PAM: variants seen among roughly 807,000 people sequenced by gnomAD.
PAM encodes peptidylglycine alpha-amidating monooxygenase, also known as peptidyl-glycine alpha-amidating monooxygenase.
A neutral mutation model predicts 122.1 loss-of-function variants in PAM; 72 were observed. The observed-to-expected ratio is 0.59, with a 90% CI of 0.49 to 0.72. The LOEUF is 0.72. PAM is among the 30% of genes least tolerant of loss of function. PAM has a pLI of 0.00. For synonymous variants in PAM, 389 were observed against 404.4 expected, an observed-to-expected ratio of 0.96 and a Z score of 0.46; for missense variants, 1,106 against 1,183.7, an observed-to-expected ratio of 0.93 and a Z score of 0.96.
chr5:102,898,462 G>C (rs1796780696), intron 3 of PAM, among the ~76,000 whole-genome samples: 1 of 151,620 alleles, frequency 6.6e-6, no homozygotes. Flanking sequence ...TTCATAGGAA[G>C]ACTATTATAA....
intron 1 of PAM, among the ~76,000 whole-genome samples, chr5:102,779,375 T>A (rs1417810301): frequency 6.6e-6 from 1 of 152,080 alleles, no homozygotes; most frequent in East Asian, 1.9e-4. Context: ...TAAGACCTAA[T>A]GAAGTGTTCA....
At chr5:102,860,327 TA>T (rs1783824513) in intron 1 of PAM, among the ~76,000 whole-genome samples, 2 of 152,044 alleles carry the variant, frequency 1.3e-5, no homozygotes, top group Admixed American at 1.3e-4. Flanking sequence ...GCAAGTGAGA[TA>T]AAGTACACAA....
chr5:103,010,695 T>C (rs1309002037), intron 21 of PAM, among the ~76,000 whole-genome samples: 1 of 152,226 alleles, frequency 6.6e-6, no homozygotes, highest in Non-Finnish European at 1.5e-5. Flanking sequence ...ACACTTATAA[T>C]GTTATGTTAT....
At chr5:102,863,436 G>A (rs1216703852) in intron 1 of PAM, among the ~76,000 whole-genome samples, 2 of 151,940 alleles carry the variant, frequency 1.3e-5, no homozygotes, top group Non-Finnish European at 2.9e-5. Context: ...CCCTCCTTTT[G>A]AGGATTCTTT....
intron 1 of PAM, among the ~76,000 whole-genome samples, chr5:102,816,507 G>T (rs908031266): frequency 6.6e-6 from 1 of 152,024 alleles, no homozygotes; most frequent in African/African-American, 2.4e-5. Flanking sequence ...ACCCACTTTT[G>T]AGAACCCTCC....
At chr5:102,838,946 C>G (rs1267930580) in intron 1 of PAM, among the ~76,000 whole-genome samples, 1 of 152,142 alleles carries the variant, frequency 6.6e-6, no homozygotes, top group Non-Finnish European at 1.5e-5. Flanking sequence ...TTCCAATTCC[C>G]TGAATCTTGG....
chr5:102,854,876 C>CA (rs1181511353), intron 1 of PAM, among the ~76,000 whole-genome samples: 3 of 152,132 alleles, frequency 2.0e-5, no homozygotes, highest in Non-Finnish European at 4.4e-5. Context: ...ATTGATAGTT[C>CA]ATGGGGAATT....
At chr5:102,755,005 A>G (rs1419790109), upstream of PAM, 2 of 152,336 alleles carry the variant, frequency 1.3e-5, no homozygotes, top group Non-Finnish European at 2.9e-5. Flanking sequence ...AGCTGCGCGC[A>G]ATCGCTGGGG....
chr5:102,891,218 A>C (rs1373437218), intron 3 of PAM, among the ~76,000 whole-genome samples: 1 of 151,846 alleles, frequency 6.6e-6, no homozygotes, highest in African/African-American at 2.4e-5. Flanking sequence ...TGGGAACACA[A>C]AGAAGAATAA....
intron 1 of PAM, among the ~76,000 whole-genome samples, chr5:102,767,103 C>A (rs978041934): frequency 6.6e-6 from 1 of 151,216 alleles, no homozygotes; most frequent in Non-Finnish European, 1.5e-5. Context: ...TGTTAAACAA[C>A]CAGAAGGGTT....
chr5:102,775,850 A>C (rs989266679), intron 1 of PAM, among the ~76,000 whole-genome samples: 1 of 152,202 alleles, frequency 6.6e-6, no homozygotes, highest in African/African-American at 2.4e-5. Flanking sequence ...CTTTGGGTAT[A>C]TACCCAGTAA....
intron 1 of PAM, among the ~76,000 whole-genome samples, chr5:102,765,048 T>A (rs1006955717): frequency 5.4e-4 from 83 of 152,356 alleles, no homozygotes; most frequent in Non-Finnish European, 9.4e-4. Flanking sequence ...GAGTTATTTT[T>A]TCCACCAGTT....
In PAM at chr5:102,949,953, G is replaced by A; in HGVS notation, c.776G>A (p.Gly259Glu). The A allele has an allele frequency of 6.3e-7, 1 of 1,590,692 alleles. No homozygotes were observed. The highest frequency in any genetic ancestry group is 8.6e-7 in the Non-Finnish European group (1 of 1,159,484). The change falls in exon 11 of 26, where the codon GGA (glycine) becomes GAA (glutamate). Residue 259 changes from glycine (G) to glutamate (E), a missense_variant. Coordinates refer to ENST00000438793, the MANE Select transcript of PAM (RefSeq NM_001177306.2). ...AGAAATGGACAGTGGACACTGATTGGACGGCAGAGCCCTCAGCTGCCACAG... is the reference window on the plus strand; with the variant it reads ...AGAAATGGACAGTGGACACTGATTGAACGGCAGAGCCCTCAGCTGCCACAG... Reference protein sequence around the residue: ...RVRNGQWTLIGRQSPQLPQAF... With the variant: ...RVRNGQWTLIERQSPQLPQAF...
intron 5 of PAM, among the ~76,000 whole-genome samples, chr5:102,919,079 C>G (rs936245486): frequency 1.3e-5 from 2 of 151,932 alleles, no homozygotes; most frequent in Middle Eastern, 6.8e-3. Context: ...AGGCTATTTC[C>G]AGCTGTTCTA....
intron 12 of PAM, 124 bp downstream of exon 12, chr5:102,950,944 CT>C: frequency 1.6e-6 from 1 of 613,192 alleles, no homozygotes. Flanking sequence ...TTACAACAAA[CT>C]GTGGCATTTT....
intron 11 of PAM, among the ~76,000 whole-genome samples, 171 bp from the exon 12 acceptor site, chr5:102,950,546 C>T (rs188223700): frequency 5.9e-5 from 9 of 151,968 alleles, no homozygotes; most frequent in Admixed American, 5.9e-4. Flanking sequence ...GTCAAAAATC[C>T]TCTGATCAGT....
chr5:102,917,501 A>G (rs1350998022), intron 5 of PAM, among the ~76,000 whole-genome samples: 1 of 152,204 alleles, frequency 6.6e-6, no homozygotes, highest in African/African-American at 2.4e-5. Context: ...CTCTAGGGAA[A>G]CTTATAAGGA....
intron 1 of PAM, chr5:102,865,202 T>C (rs758054772): frequency 6.6e-6 from 1 of 152,240 alleles, no homozygotes; most frequent in Non-Finnish European, 1.5e-5. Flanking sequence ...ATGTTAGCTG[T>C]AGAGTTTTTG....
intron 4 of PAM, among the ~76,000 whole-genome samples, 179 bp downstream of exon 4, chr5:102,901,592 A>G (rs1464983479): frequency 6.6e-6 from 1 of 151,622 alleles, no homozygotes; most frequent in Non-Finnish European, 1.5e-5. Context: ...GCAAGATTAT[A>G]AACTGTATCT....
Sources: allele counts gnomAD v4.1 joint callset (sites outside exome capture counted in the v4.1 genomes callset), GRCh38; gene constraint gnomAD v4.1.1; transcripts MANE v1.5; gene names NCBI Gene and HGNC (gene_info 2026-07-23, HGNC 2026-07-21).